The following PCNX1 variants were observed in gnomAD, a reference collection of about 807,000 sequenced individuals.
The protein encoded by PCNX1 is pecanex 1.
In PCNX1, 78 loss-of-function variants were observed where a neutral mutation model predicts 242.2. That is an observed-to-expected ratio of 0.32 (90% CI 0.27 to 0.39). The LOEUF is 0.39. PCNX1 is among the 10% of genes least tolerant of loss of function. PCNX1 has a pLI of 1.00. For missense variants in PCNX1, 2,581 were observed against 2,856.5 expected (o/e 0.90, Z 2.20); for synonymous variants, 1,024 against 1,032.9 (o/e 0.99, Z 0.17).
At chr14:71,072,735 C>A (rs546596050) in intron 26 of PCNX1, among the ~76,000 whole-genome samples, 1 of 152,250 alleles carries the variant, frequency 6.6e-6, no homozygotes, top group African/African-American at 2.4e-5. Flanking sequence ...TGAGTTGAAA[C>A]AAGACCACAG....
At chr14:71,107,848 A>G (rs955181503) in intron 33 of PCNX1, among the ~76,000 whole-genome samples, 1 of 152,212 alleles carries the variant, frequency 6.6e-6, no homozygotes, top group Non-Finnish European at 1.5e-5. Context: ...TAACTGGCAA[A>G]AATTATATAT....
rs777494885 is a variant in PCNX1 at position 71,008,655 on chromosome 14, C to CAAA, written c.2630-954_2630-952dup. 1.4e-3 allele frequency among the ~76,000 whole-genome samples: 46 copies of CAAA among 32,710 alleles called. 7 individuals are homozygous for CAAA. Among genetic ancestry groups the CAAA allele is most frequent in the East Asian group, 3.5e-3 (2 of 570 alleles). 21.5% of individuals were successfully genotyped at this position (32,710 alleles called of 152,430 possible). On this transcript the variant is annotated intron_variant, in intron 8 of 35. Transcript: ENST00000304743. The stretch of plus-strand genomic sequence containing the variant: ...TGGGTGACAGAGCGAGACTCTGTCT[C>CAAA]AAAAAAAAAAAAAAAAAAAAAAAAA...
At chr14:70,941,621 A>T (rs983934021) in intron 1 of PCNX1, among the ~76,000 whole-genome samples, 1 of 152,142 alleles carries the variant, frequency 6.6e-6, no homozygotes, top group Non-Finnish European at 1.5e-5. Flanking sequence ...TCAGATCTCA[A>T]ACTCTGTGCT....
At chr14:70,942,114 A>G (rs1213082502) in intron 1 of PCNX1, among the ~76,000 whole-genome samples, 1 of 150,642 alleles carries the variant, frequency 6.6e-6, no homozygotes, top group Non-Finnish European at 1.5e-5. Context: ...TTTGGCTTAC[A>G]CTCTGTGGGC....
chr14:71,029,645 A>G (rs2060328857), intron 16 of PCNX1, among the ~76,000 whole-genome samples: 1 of 152,208 alleles, frequency 6.6e-6, no homozygotes, highest in Non-Finnish European at 1.5e-5. Context: ...ATTAAAGACA[A>G]TTTTCCAGGA....
chr14:70,953,382 G>A (rs969189974), intron 2 of PCNX1, among the ~76,000 whole-genome samples: 2 of 151,770 alleles, frequency 1.3e-5, no homozygotes, highest in African/African-American at 4.8e-5. Flanking sequence ...TTTATATATG[G>A]TCCATTTAGG....
chr14:70,933,995 A>G lies in PCNX1; in HGVS notation c.154-12920A>G, dbSNP rs370563463. On this transcript the variant is annotated intron_variant, in intron 1 of 35. Transcript: ENST00000304743. ...AGTGGTGAAGGAGATAGTGAAAGTT[A>G]TCAATCCAAAACAAAACCTTTACAT... Among the ~76,000 whole-genome samples, 4 of 152,256 alleles carry G rather than the reference A, an allele frequency of 2.6e-5. No individual in the cohort carries two copies. The East Asian group carries it at 7.7e-4, about 29-fold the overall frequency.
chr14:71,034,568 G>A (rs1236404689), intron 18 of PCNX1, among the ~76,000 whole-genome samples: 1 of 152,156 alleles, frequency 6.6e-6, no homozygotes, highest in Non-Finnish European at 1.5e-5. Flanking sequence ...TTGGTGAATT[G>A]TAATGTTGCT....
chr14:70,976,662 T>C (rs373537191), intron 5 of PCNX1, among the ~76,000 whole-genome samples: 3 of 152,126 alleles, frequency 2.0e-5, no homozygotes, highest in Admixed American at 6.5e-5. Context: ...CGTGAGCCAC[T>C]GCGCCCGGCC....
chr14:71,043,460 A>G (rs2060769146), intron 19 of PCNX1, among the ~76,000 whole-genome samples: 7 of 151,996 alleles, frequency 4.6e-5, no homozygotes, highest in Admixed American at 4.6e-4. Flanking sequence ...ACTGTCACAT[A>G]TATCATGTAA....
intron 3 of PCNX1, among the ~76,000 whole-genome samples, chr14:70,965,886 G>C (rs926737108): frequency 6.6e-6 from 1 of 152,040 alleles, no homozygotes; most frequent in Non-Finnish European, 1.5e-5. Context: ...AGAAGAAACA[G>C]TGGAATATTT....
Position 70,988,652 on chromosome 14 carries a change from A to G in PCNX1, c.2397A>G (p.Ala799=), listed in dbSNP as rs775519592. 79 of 1,613,998 alleles carry G rather than the reference A, an allele frequency of 4.9e-5. No homozygotes were observed. The highest frequency in any genetic ancestry group is 4.0e-4 in the Admixed American group (24 of 60,000). ...RRQAVRRRHN[A]GSNPTPPTLL... ...AGGCAGTACGGCGCCGGCACAATGC[A>G]GGGAGTAACCCTACCCCTCCTACAT... The change falls in exon 7 of 36, where the codon GCA becomes GCG. Residue 799 remains alanine (A), a synonymous_variant. Transcript: ENST00000304743.
intron 19 of PCNX1, chr14:71,044,542 A>G (rs1257047073): frequency 1.3e-5 from 2 of 152,464 alleles, no homozygotes; most frequent in Admixed American, 6.5e-5. Flanking sequence ...CAATCCAGGA[A>G]GGAACAGATG....
At chr14:70,928,181 G>A (rs541568494) in intron 1 of PCNX1, among the ~76,000 whole-genome samples, 149 of 152,158 alleles carry the variant, frequency 9.8e-4, no homozygotes, top group Middle Eastern at 3.4e-3. Flanking sequence ...TTATATAGGA[G>A]CAAGGAGAAT....
chr14:71,101,571 C>G (rs150512907), intron 30 of PCNX1, among the ~76,000 whole-genome samples: 1 of 151,554 alleles, frequency 6.6e-6, no homozygotes, highest in East Asian at 1.9e-4. Context: ...TTTAGAGATA[C>G]GACTTTATGT....
rs1265643099 is a variant in PCNX1 at position 71,033,490 on chromosome 14, C to T, written c.3620C>T (p.Ala1207Val). ...TCCATTTTTTGTGGTTTATTAGTGG[C>T]AGTGTCTTACCATCTCAGCCGACAA... ...LFSIFCGLLV[A>V]VSYHLSRQSS... is the part of the protein sequence containing the mutation. The change falls in exon 17 of 36, where the codon GCA becomes GTA. Residue 1207 changes from alanine (A) to valine (V), a missense_variant. This residue lies in a region of PCNX1 where 432 missense variants were observed against 443.1 expected (regional missense o/e 0.97). Coordinates refer to ENST00000304743, the MANE Select transcript of PCNX1 (RefSeq NM_014982.3). The T allele has an allele frequency of 6.2e-7, 1 of 1,608,982 alleles. No homozygotes were observed.
chr14:71,080,108 G>A (rs4048475), intron 28 of PCNX1, among the ~76,000 whole-genome samples: 84,713 of 151,982 alleles, frequency 0.56, 25,001 homozygotes, highest in East Asian at 0.74. Flanking sequence ...AGTTTTCCCA[G>A]CACCATTTAT....
intron 1 of PCNX1, among the ~76,000 whole-genome samples, chr14:70,936,684 C>G (rs886155083): frequency 6.6e-6 from 1 of 152,172 alleles, no homozygotes; most frequent in Non-Finnish European, 1.5e-5. Flanking sequence ...ATCTCTAGTT[C>G]TAGATCCTTG....
At chr14:70,932,653 C>G (rs1402568576) in intron 1 of PCNX1, among the ~76,000 whole-genome samples, 6 of 151,820 alleles carry the variant, frequency 4.0e-5, no homozygotes, top group Admixed American at 3.9e-4. Flanking sequence ...GCTCTTGTTG[C>G]CCAGGCTGGA....
Sources: gnomAD v4.1 joint callset for allele counts (sites outside exome capture counted in the v4.1 genomes callset) on GRCh38, gnomAD v4.1.1 for gene constraint, gnomAD v4.1.1 regional missense constraint, MANE v1.5 for transcripts, NCBI Gene and HGNC (gene_info 2026-07-23, HGNC 2026-07-21) for gene names.